The following OPRM1 variants were observed in gnomAD, a reference collection of about 807,000 sequenced individuals.
OPRM1 encodes the protein opioid receptor mu 1, also known as mu-type opioid receptor.
In OPRM1, 27 loss-of-function variants were observed where a neutral mutation model predicts 31.8. The observed-to-expected ratio is 0.85, with a 90% CI of 0.63 to 1.17. The LOEUF is 1.17. OPRM1 is among the 50% of genes most tolerant of loss of function. The pLI is 0.00. For synonymous variants in OPRM1, 196 were observed against 189.9 expected, an observed-to-expected ratio of 1.03 and a Z score of -0.26; for missense variants, 536 against 511.1, an observed-to-expected ratio of 1.05 and a Z score of -0.47.
chr6:154,113,329 G>A (rs2128519941), intron 3 of OPRM1, among the ~76,000 whole-genome samples: 1 of 152,286 alleles, frequency 6.6e-6, no homozygotes, highest in East Asian at 1.9e-4. Flanking sequence ...TCTTTACCTA[G>A]GGGACTAACA....
Position 154,108,891 on chromosome 6 carries a change from A to G in OPRM1, c.1165-9792A>G, listed in dbSNP as rs623956. On this transcript the variant is annotated intron_variant, in intron 3 of 3. Coordinates refer to ENST00000330432, the MANE Select transcript of OPRM1 (RefSeq NM_000914.5). ...CTCTAAAATTAAAAATACAGTAGTT[A>G]CTAGAGAAAAATTTTAGTCCAAAAA... 237,903 of 984,140 alleles carry G rather than the reference A, an allele frequency of 0.24. 29,520 individuals carry two copies. The highest frequency in any genetic ancestry group is 0.25 in the Non-Finnish European group (210,286 of 828,836). 61.0% of individuals were successfully genotyped at this position (984,140 alleles called of 1,614,324 possible).
intron 3 of OPRM1, among the ~76,000 whole-genome samples, chr6:154,095,255 C>T (rs1369005343): frequency 1.3e-5 from 2 of 152,196 alleles, no homozygotes; most frequent in Non-Finnish European, 2.9e-5. Flanking sequence ...CGTGCCATTG[C>T]ACTCCAGCCT....
At chr6:154,111,752 TTTTATTTATTTA>T (rs3070806) in intron 3 of OPRM1, among the ~76,000 whole-genome samples, 2 of 149,194 alleles carry the variant, frequency 1.3e-5, no homozygotes, top group Non-Finnish European at 3.0e-5. Flanking sequence ...TATAGTTTAT[TTTTATTTATTTA>T]TTTATTTATT....
chr6:154,173,538 C>A (rs1800049235), intron 3 of OPRM1, among the ~76,000 whole-genome samples: 1 of 151,934 alleles, frequency 6.6e-6, no homozygotes, highest in Non-Finnish European at 1.5e-5. Flanking sequence ...CAAGCTTCAA[C>A]AGCCGATTCA....
At chr6:154,165,386 T>C (rs747990114) in intron 3 of OPRM1, among the ~76,000 whole-genome samples, 2 of 152,204 alleles carry the variant, frequency 1.3e-5, no homozygotes, top group African/African-American at 2.4e-5. Context: ...CCTTCCAACA[T>C]GAACATGCAC....
intron 3 of OPRM1, among the ~76,000 whole-genome samples, chr6:154,225,958 A>C (rs1295835667): frequency 6.6e-6 from 1 of 152,150 alleles, no homozygotes; most frequent in Non-Finnish European, 1.5e-5. Flanking sequence ...TTGAACTCTA[A>C]GTGACGCTGT....
At chr6:154,044,554 A>G (rs1254719958) in intron 1 of OPRM1, among the ~76,000 whole-genome samples, 1 of 152,144 alleles carries the variant, frequency 6.6e-6, no homozygotes, top group Non-Finnish European at 1.5e-5. Context: ...ATTATTTGTA[A>G]AAATTTATTT....
chr6:154,062,720 G>A (rs891578473), intron 1 of OPRM1, among the ~76,000 whole-genome samples: 11 of 151,974 alleles, frequency 7.2e-5, no homozygotes, highest in African/African-American at 2.2e-4. Context: ...GGAACTAATT[G>A]CATTACCTTT....
Position 154,168,198 on chromosome 6 carries a change from A to G in OPRM1, c.1164+76726A>G, listed in dbSNP as rs755588405. The stretch of plus-strand genomic sequence containing the variant: ...ACATTCAATACTGTGGTCCCAAGGC[A>G]CGGCCCCACTGGCACCCTCATCTCA... On this transcript the variant is annotated intron_variant, in intron 3 of 3. Transcript: ENST00000337049. This position sits in a 1 kb window ranked among gnomAD's most constrained non-coding sequence, Gnocchi z 4.1. The G allele has an allele frequency of 3.9e-5, 39 of 992,026 alleles. No individual in the cohort carries two copies. Among genetic ancestry groups the G allele is most frequent in the Non-Finnish European group, 5.5e-5 (38 of 688,534 alleles). 61.5% of individuals were successfully genotyped at this position (992,026 alleles called of 1,614,324 possible). A position where few individuals can be genotyped will look rare whatever the true frequency, so the allele number is the denominator to read the frequency against.
intron 3 of OPRM1, among the ~76,000 whole-genome samples, chr6:154,110,999 C>A (rs189786917): frequency 6.6e-6 from 1 of 151,180 alleles, no homozygotes; most frequent in East Asian, 2.0e-4. Context: ...AATGTAATGA[C>A]CAACGCTTTC....
Position 154,126,484 on chromosome 6 carries a change from T to C in OPRM1, c.*7763T>C, listed in dbSNP as rs1797592714. Among the ~76,000 whole-genome samples the C allele has an allele frequency of 6.6e-6, 1 of 152,192 alleles. No individual in the cohort carries two copies. Among genetic ancestry groups the C allele is most frequent in the African/African-American group, 2.4e-5 (1 of 41,444 alleles). ...GAAGTGTCCCAACACTACCCAATAT[T>C]TGCAAAATTCAAATGTCTCATAGGC... On this transcript the variant is annotated 3_prime_UTR_variant, in exon 4 of 4. Transcript: ENST00000330432.
At chr6:154,075,667 G>C (rs1200631381) in intron 1 of OPRM1, among the ~76,000 whole-genome samples, 2 of 152,106 alleles carry the variant, frequency 1.3e-5, no homozygotes, top group Non-Finnish European at 2.9e-5. Context: ...GGCCAGGCTG[G>C]TCTCAAACTC....
chr6:154,027,984 G>T, intron 1 of OPRM1, among the ~76,000 whole-genome samples: 1 of 152,130 alleles, frequency 6.6e-6, no homozygotes, highest in East Asian at 1.9e-4. Context: ...CCAAGCTGGT[G>T]TCTAAGGTGC....
At chr6:154,144,379 AT>A (rs1332522193) in intron 3 of OPRM1, among the ~76,000 whole-genome samples, 1 of 152,242 alleles carries the variant, frequency 6.6e-6, no homozygotes, top group Admixed American at 6.5e-5. Flanking sequence ...ACAGACCAAT[AT>A]TCATCCTGAA....
At chr6:154,021,759 C>T (rs1778385011) in intron 1 of OPRM1, among the ~76,000 whole-genome samples, 1 of 152,122 alleles carries the variant, frequency 6.6e-6, no homozygotes, top group African/African-American at 2.4e-5. Flanking sequence ...TTATTTGTTG[C>T]TGGCATATAG....
intron 1 of OPRM1, among the ~76,000 whole-genome samples, chr6:154,019,146 A>C (rs1035365070): frequency 6.8e-6 from 1 of 148,118 alleles, no homozygotes; most frequent in Non-Finnish European, 1.5e-5. Flanking sequence ...TAAAATGTAC[A>C]CTTAAATTAT....
At chr6:154,090,286 G>C (rs1791784105) in intron 2 of OPRM1, 108 bp downstream of exon 2, 2 of 706,076 alleles carry the variant, frequency 2.8e-6, no homozygotes, top group Non-Finnish European at 4.7e-6. Flanking sequence ...TAGTCACATT[G>C]TAATTTTAAT....
intron 3 of OPRM1, among the ~76,000 whole-genome samples, chr6:154,092,733 A>C (rs2128489445): frequency 6.6e-6 from 1 of 152,328 alleles, no homozygotes; most frequent in Admixed American, 6.5e-5. Flanking sequence ...AATATGGCCC[A>C]GATACATCCG....
intron 3 of OPRM1, among the ~76,000 whole-genome samples, chr6:154,241,555 T>G (rs548958006): frequency 6.6e-6 from 1 of 152,282 alleles, no homozygotes; most frequent in South Asian, 2.1e-4. Flanking sequence ...ATCATGCTTA[T>G]TTTAGCCTCA....
Sources: gnomAD v4.1 joint callset for allele counts (sites outside exome capture counted in the v4.1 genomes callset) on GRCh38, gnomAD v4.1.1 for gene constraint, Gnocchi (gnomAD v3.1) non-coding constraint, MANE v1.5 for transcripts, NCBI Gene and HGNC (gene_info 2026-07-23, HGNC 2026-07-21) for gene names.